Variants in NALF1 observed in about 807,000 individuals in gnomAD.
NALF1 encodes the protein NALCN channel auxiliary factor 1, also known as family with sequence similarity 155 member A.
In NALF1, 3 loss-of-function variants were observed where a neutral mutation model predicts 48.4. The ratio of observed to expected loss-of-function variants is 0.06; its 90% CI spans 0.03 to 0.16. NALF1 has a LOEUF of 0.16. Among genes scored for constraint, NALF1 ranks in the 10% least tolerant of loss-of-function variants. The pLI is 1.00. For missense variants in NALF1, 526 were observed against 571.5 expected, an observed-to-expected ratio of 0.92 and a Z score of 0.81; for synonymous variants, 262 against 245.7, an observed-to-expected ratio of 1.07 and a Z score of -0.62.
At chr13:107,551,214 G>A (rs1877283228) in intron 1 of NALF1, among the ~76,000 whole-genome samples, 1 of 151,996 alleles carries the variant, frequency 6.6e-6, no homozygotes, top group Non-Finnish European at 1.5e-5. Flanking sequence ...CTGAATCTCA[G>A]GTTTAAGTAA....
At chr13:107,348,678 G>A (rs1289736036) in intron 1 of NALF1, among the ~76,000 whole-genome samples, 1 of 151,820 alleles carries the variant, frequency 6.6e-6, no homozygotes, top group Non-Finnish European at 1.5e-5. Flanking sequence ...CCACTTATGA[G>A]TCAGAACATC....
intron 1 of NALF1, among the ~76,000 whole-genome samples, chr13:107,557,945 C>T (rs1877528581): frequency 1.3e-5 from 2 of 152,050 alleles, no homozygotes; most frequent in African/African-American, 2.4e-5. Context: ...TAATGTTGTG[C>T]GTTGGTATTC....
chr13:107,570,589 A>ATTC, intron 1 of NALF1, among the ~76,000 whole-genome samples: 1 of 92,060 alleles, frequency 1.1e-5, no homozygotes, highest in Non-Finnish European at 2.5e-5. Context: ...TTATTTTATT[A>ATTC]TTATTATACT....
intron 1 of NALF1, among the ~76,000 whole-genome samples, chr13:107,644,320 A>T (rs1354623147): frequency 1.3e-5 from 2 of 152,006 alleles, no homozygotes; most frequent in African/African-American, 4.8e-5. Flanking sequence ...CACAGGAAAC[A>T]CTACTACATA....
At chr13:107,653,799 CAG>C (rs1880507331) in intron 1 of NALF1, among the ~76,000 whole-genome samples, 1 of 151,920 alleles carries the variant, frequency 6.6e-6, no homozygotes, top group African/African-American at 2.4e-5. Context: ...CACACAATAA[CAG>C]AAAGAAATGG....
At chr13:107,801,639 G>C (rs1878615929) in intron 1 of NALF1, among the ~76,000 whole-genome samples, 1 of 152,084 alleles carries the variant, frequency 6.6e-6, no homozygotes, top group Non-Finnish European at 1.5e-5. Flanking sequence ...AATCCTGTCG[G>C]GGCCAACTAA....
intron 1 of NALF1, among the ~76,000 whole-genome samples, chr13:107,619,539 C>T (rs183361770): frequency 5.9e-5 from 9 of 152,258 alleles, no homozygotes; most frequent in East Asian, 5.8e-4. Context: ...TAATGTAAAA[C>T]GAATTTTAAC....
intron 2 of NALF1, among the ~76,000 whole-genome samples, chr13:107,187,236 C>T (rs1439654095): frequency 1.3e-5 from 2 of 152,170 alleles, no homozygotes; most frequent in South Asian, 2.1e-4. Context: ...CCTTCTGCCA[C>T]GTAATGTAGC....
intron 1 of NALF1, among the ~76,000 whole-genome samples, chr13:107,771,854 A>G (rs1877586192): frequency 6.6e-6 from 1 of 152,042 alleles, no homozygotes; most frequent in Admixed American, 6.6e-5. Flanking sequence ...CTCCTGCCTC[A>G]GCCTCTGGAG....
intron 1 of NALF1, among the ~76,000 whole-genome samples, chr13:107,586,981 T>C (rs1025101231): frequency 2.0e-5 from 3 of 152,108 alleles, no homozygotes; most frequent in Admixed American, 2.0e-4. Context: ...ATAAATCTTA[T>C]GAATCTCTTT....
At chr13:107,656,611 A>G (rs1880583404) in intron 1 of NALF1, among the ~76,000 whole-genome samples, 1 of 152,200 alleles carries the variant, frequency 6.6e-6, no homozygotes, top group Non-Finnish European at 1.5e-5. Flanking sequence ...GATTCCTTAA[A>G]GAACTAAAAG....
At chr13:107,848,933 T>C (rs1489416866) in intron 1 of NALF1, among the ~76,000 whole-genome samples, 2 of 152,178 alleles carry the variant, frequency 1.3e-5, no homozygotes, top group African/African-American at 4.8e-5. Context: ...TTTTCATTAA[T>C]TTTACTCAGT....
intron 1 of NALF1, among the ~76,000 whole-genome samples, chr13:107,826,294 T>A (rs1879517622): frequency 1.3e-5 from 2 of 148,720 alleles, no homozygotes; most frequent in Admixed American, 1.3e-4. Flanking sequence ...TGTGTGTGTG[T>A]GCATGTGCAC....
At chr13:107,575,936 T>C (rs964757010) in intron 1 of NALF1, among the ~76,000 whole-genome samples, 2 of 150,142 alleles carry the variant, frequency 1.3e-5, no homozygotes, top group African/African-American at 4.9e-5. Flanking sequence ...TATGTGTGCA[T>C]GTGTGTGTAT....
At chr13:107,238,668 G>A (rs1410016790) in intron 1 of NALF1, among the ~76,000 whole-genome samples, 1 of 152,328 alleles carries the variant, frequency 6.6e-6, no homozygotes, top group African/African-American at 2.4e-5. Context: ...CAGGCAGACA[G>A]TACAAAAGCA....
At chr13:107,584,324 C>T (rs183104938) in intron 1 of NALF1, among the ~76,000 whole-genome samples, 9 of 152,224 alleles carry the variant, frequency 5.9e-5, no homozygotes, top group Admixed American at 1.3e-4. Flanking sequence ...TAGTCTAAAG[C>T]TATCACTAAT....
intron 1 of NALF1, among the ~76,000 whole-genome samples, chr13:107,862,189 T>C (rs1469626814): frequency 1.3e-5 from 2 of 152,178 alleles, no homozygotes; most frequent in Admixed American, 6.5e-5. Flanking sequence ...AAGCTATCAA[T>C]GACTTTAGAA....
At chr13:107,230,606 T>C (rs1880199805) in intron 1 of NALF1, among the ~76,000 whole-genome samples, 1 of 152,110 alleles carries the variant, frequency 6.6e-6, no homozygotes, top group South Asian at 2.1e-4. Flanking sequence ...TAAAAATTTA[T>C]TACTTGCCTA....
chr13:107,859,914 C>CAAAAAAAAAAAAAAAAAAAAAA (rs778833499), intron 1 of NALF1, among the ~76,000 whole-genome samples: 1 of 66,494 alleles, frequency 1.5e-5, no homozygotes, highest in Non-Finnish European at 3.0e-5. Context: ...AACTCCAACT[C>CAAAAAAAAAAAAAAAAAAAAAA]AAAAAAAAAA....
Sources: allele counts gnomAD v4.1 joint callset (sites outside exome capture counted in the v4.1 genomes callset), GRCh38; gene constraint gnomAD v4.1.1; transcripts MANE v1.5; gene names NCBI Gene and HGNC (gene_info 2026-07-23, HGNC 2026-07-21).